Variants in PRUNE1 observed in about 807,000 individuals in gnomAD.
PRUNE1 encodes exopolyphosphatase PRUNE1.
PRUNE1 carries 25 observed loss-of-function variants against 42.5 expected under a neutral mutation model. The ratio of observed to expected loss-of-function variants is 0.59; its 90% confidence interval spans 0.43 to 0.82. The LOEUF (loss-of-function observed/expected upper bound fraction) is 0.82, where lower values mean the gene tolerates loss of function less well. Among genes scored for constraint, PRUNE1 ranks in the 40% least tolerant of loss-of-function variants. The probability of loss-of-function intolerance (pLI) is 0.00; values close to 1 mark genes in which losing one functional copy is unlikely to be tolerated. For missense variants in PRUNE1, 443 were observed against 539.3 expected, an observed-to-expected ratio of 0.82 and a Z score of 1.77; for synonymous variants, 203 against 217.1, an observed-to-expected ratio of 0.93 and a Z score of 0.57.
intron 1 of PRUNE1, among the ~76,000 whole-genome samples, chr1:151,011,910 C>T (rs1276940419): frequency 1.3e-5 from 2 of 151,976 alleles, no homozygotes; most frequent in African/African-American, 4.8e-5. Flanking sequence ...TCCCGAGTAG[C>T]TGGGACTACA....
intron 7 of PRUNE1, among the ~76,000 whole-genome samples, chr1:151,029,561 G>GT (rs1675107055): frequency 6.6e-6 from 1 of 151,372 alleles, no homozygotes; most frequent in South Asian, 2.1e-4. Context: ...TAGAGACGGG[G>GT]TTTCACCGTG....
chr1:151,008,484 G>A lies in PRUNE1; in HGVS notation c.-149G>A, dbSNP rs1379319912. 3.3e-6 allele frequency: 4 copies of A among 1,209,438 alleles called. No individual in the cohort carries two copies. In the African/African-American group the frequency reaches 4.5e-5, roughly 14 times the overall value. 74.9% of individuals were successfully genotyped at this position (1,209,438 alleles called of 1,614,324 possible). A position where few individuals can be genotyped will look rare whatever the true frequency, so the allele number is the denominator to read the frequency against. ...GCAGTTCCTCCCGGGGTCGGAGGCC[G>A]ATTCGCCGTGTGGCGGGTTCGAGTC... On this transcript the variant is annotated 5_prime_UTR_variant, in exon 1 of 8. Transcript: ENST00000271620.
In PRUNE1 at chr1:151,008,795, T is replaced by C. The variant is rs750061960; in HGVS notation, c.39+124T>C. On this transcript the variant is annotated intron_variant, in intron 1 of 7. Coordinates refer to ENST00000271620, the MANE Select transcript of PRUNE1 (RefSeq NM_021222.3). ...GAACACTGAGTTGTGGGGAGGGGGG[T>C]TGGGGCCTGATCAGTTTTGGGGCAT... 3.7e-4 allele frequency: 450 copies of C among 1,222,120 alleles called. 1 individual carries two copies. The highest frequency in any genetic ancestry group is 5.2e-4 in the Non-Finnish European group (431 of 832,470). 75.7% of individuals were successfully genotyped at this position (1,222,120 alleles called of 1,614,324 possible). A position where few individuals can be genotyped will look rare whatever the true frequency, so the allele number is the denominator to read the frequency against.
chr1:151,012,933 C>T (rs1223215883), intron 1 of PRUNE1, among the ~76,000 whole-genome samples: 1 of 150,970 alleles, frequency 6.6e-6, no homozygotes, highest in Non-Finnish European at 1.5e-5. Flanking sequence ...CCACCACACC[C>T]GGCTAATTTT....
chr1:151,027,171 C>T, intron 5 of PRUNE1, 62 bp from the exon 6 acceptor site: 1 of 1,248,090 alleles, frequency 8.0e-7, no homozygotes, highest in South Asian at 1.2e-5. Context: ...CTGTCCTTGC[C>T]TTCTTGGTCT....
intron 1 of PRUNE1, among the ~76,000 whole-genome samples, chr1:151,016,051 A>G (rs1299955038): frequency 2.0e-5 from 3 of 152,214 alleles, no homozygotes; most frequent in Non-Finnish European, 4.4e-5. Context: ...AGCCTGGCCA[A>G]CATGGCAAAA....
intron 1 of PRUNE1, among the ~76,000 whole-genome samples, chr1:151,010,464 C>G (rs587611896): frequency 2.0e-5 from 3 of 152,266 alleles, no homozygotes; most frequent in Non-Finnish European, 4.4e-5. Context: ...CGACCTTTCT[C>G]TCCCTGCATT....
intron 1 of PRUNE1, among the ~76,000 whole-genome samples, chr1:151,016,481 A>G (rs1189871487): frequency 6.6e-6 from 1 of 151,958 alleles, no homozygotes; most frequent in African/African-American, 2.4e-5. Flanking sequence ...GATTTTGGGC[A>G]CTCCAGTTTT....
At chr1:151,027,685 A>T (rs1307346326) in intron 6 of PRUNE1, among the ~76,000 whole-genome samples, 6 of 149,846 alleles carry the variant, frequency 4.0e-5, no homozygotes, top group African/African-American at 1.5e-4. Flanking sequence ...AGGCTCAAGC[A>T]ATCCTCCCAC....
intron 1 of PRUNE1, among the ~76,000 whole-genome samples, chr1:151,016,524 G>A (rs1674110450): frequency 6.6e-6 from 1 of 151,962 alleles, no homozygotes; most frequent in Non-Finnish European, 1.5e-5. Context: ...TATTTGAGAT[G>A]GAGTTTCGCT....
intron 1 of PRUNE1, among the ~76,000 whole-genome samples, chr1:151,010,993 T>C (rs1571764263): frequency 6.6e-6 from 1 of 152,262 alleles, no homozygotes; most frequent in East Asian, 1.9e-4. Flanking sequence ...AAATGTGTAT[T>C]TCATGAACAA....
At chr1:151,032,581 A>T (rs1457059947) in intron 7 of PRUNE1, among the ~76,000 whole-genome samples, 1 of 151,646 alleles carries the variant, frequency 6.6e-6, no homozygotes, top group African/African-American at 2.4e-5. Flanking sequence ...AGGCTGGGTG[A>T]CACATGCCTG....
intron 5 of PRUNE1, among the ~76,000 whole-genome samples, chr1:151,025,996 C>G (rs1674815035): frequency 6.6e-6 from 1 of 151,820 alleles, no homozygotes; most frequent in Non-Finnish European, 1.5e-5. Context: ...CCGCCTGGGC[C>G]TCCCAAAGTG....
chr1:151,027,775 T>TGC (rs1240633704), intron 6 of PRUNE1, among the ~76,000 whole-genome samples: 29 of 141,214 alleles, frequency 2.1e-4, no homozygotes, highest in African/African-American at 8.3e-4. Context: ...TGTGTGTGTG[T>TGC]GTGTGTGCGC....
rs749796920 is a variant in PRUNE1, at chr1:151,031,175, TTG to T, written c.933+2249_933+2250del. Among the ~76,000 whole-genome samples the T allele has an allele frequency of 2.4e-3, 332 of 137,244 alleles. 79 individuals carry two copies. Among genetic ancestry groups the T allele is most frequent in the Middle Eastern group, 3.8e-3 (1 of 264 alleles). 90.0% of individuals were successfully genotyped at this position (137,244 alleles called of 152,430 possible). Reference sequence around the variant, plus strand: ...GAGTCCTTCTCTCTCTGTTTTGTTTTTGTGTGTGTGTGTGTGTGTTTTTTTTT... The same window carrying T: ...GAGTCCTTCTCTCTCTGTTTTGTTTTTGTGTGTGTGTGTGTGTTTTTTTTT... On this transcript the variant is annotated intron_variant, in intron 7 of 7. Coordinates refer to ENST00000271620, the MANE Select transcript of PRUNE1 (RefSeq NM_021222.3).
At chr1:151,032,477 C>T (rs587711944) in intron 7 of PRUNE1, among the ~76,000 whole-genome samples, 6 of 151,418 alleles carry the variant, frequency 4.0e-5, no homozygotes, top group Admixed American at 1.3e-4. Context: ...TTTGGGAGGC[C>T]GAGGCGAGAG....
intron 2 of PRUNE1, 183 bp from the exon 3 acceptor site, chr1:151,018,284 T>C: frequency 1.3e-6 from 1 of 757,142 alleles, no homozygotes; most frequent in Non-Finnish European, 2.4e-6. Context: ...TTGTTGACTT[T>C]CATGTTATTA....
rs777772902 is a variant in PRUNE1, at chr1:151,024,660, C to T, written c.385C>T (p.Pro129Ser). 5 of 1,613,518 alleles carry T rather than the reference C, an allele frequency of 3.1e-6. No homozygotes were observed. The highest frequency in any genetic ancestry group is 2.7e-5 in the African/African-American group (2 of 74,902). Residue 129 changes from proline (P) to serine (S), a missense_variant, in exon 4 of 8, where the codon CCC (proline) becomes TCC (serine). Coordinates refer to ENST00000271620, the MANE Select transcript of PRUNE1 (RefSeq NM_021222.3). ...EAVAEVLDHR[P>S]IEPKHCPPCH... ...AGTAGCAGAGGTGCTAGACCATCGA[C>T]CCATCGAGCCGAAACACTGCCCTCC...
chr1:151,011,215 TAA>T (rs1325465213), intron 1 of PRUNE1, among the ~76,000 whole-genome samples: 1 of 152,156 alleles, frequency 6.6e-6, no homozygotes, highest in Admixed American at 6.6e-5. Flanking sequence ...TTGTGCAGGA[TAA>T]AGACAGCTGG....
Sources: allele counts gnomAD v4.1 joint callset (sites outside exome capture counted in the v4.1 genomes callset), GRCh38; gene constraint gnomAD v4.1.1; transcripts MANE v1.5; gene names NCBI Gene and HGNC (gene_info 2026-07-23, HGNC 2026-07-21).